SDR42E2: variants seen among roughly 807,000 people sequenced by gnomAD.
SDR42E2 encodes putative short-chain dehydrogenase/reductase family 42E member 2.
In SDR42E2, 20 loss-of-function variants were observed where a neutral mutation model predicts 10.5. The ratio of observed to expected loss-of-function variants is 1.90; its 90% CI spans 1.34 to 2.77. The LOEUF (loss-of-function observed/expected upper bound fraction) is 2.77. SDR42E2 is among the 30% of genes most tolerant of loss of function. The pLI is 0.00. For synonymous variants in SDR42E2, 72 were observed against 39.2 expected, an observed-to-expected ratio of 1.84 and a Z score of -3.12; for missense variants, 162 against 104.2, an observed-to-expected ratio of 1.55 and a Z score of -2.42.
chr16:22,183,072 C>T (rs552983421), intron 10 of SDR42E2, among the ~76,000 whole-genome samples: 22 of 152,206 alleles, frequency 1.4e-4, no homozygotes, highest in African/African-American at 4.1e-4. Flanking sequence ...TTGAGGGGCG[C>T]CATGTGTTCC....
At chr16:22,173,169 C>G (rs1253246574) in intron 7 of SDR42E2, among the ~76,000 whole-genome samples, 1 of 152,082 alleles carries the variant, frequency 6.6e-6, no homozygotes, top group Non-Finnish European at 1.5e-5. Context: ...ACACTACATG[C>G]CAGGCCCTAT....
chr16:22,171,071 G>A (rs1393440013), intron 6 of SDR42E2, 120 bp downstream of exon 6: 1 of 662,376 alleles, frequency 1.5e-6, no homozygotes, highest in African/African-American at 1.8e-5. Flanking sequence ...AGCAGGAAGG[G>A]GCTCCCAAAA....
intron 1 of SDR42E2, among the ~76,000 whole-genome samples, chr16:22,164,193 A>G (rs1001247210): frequency 8.5e-5 from 13 of 152,102 alleles, no homozygotes; most frequent in Non-Finnish European, 1.6e-4. Context: ...CCAAGGCAGG[A>G]GAATTGCTTG....
rs75510364 is a variant in SDR42E2 at position 22,166,508 on chromosome 16, T to C, written c.240+74T>C. ...GGGACAGTGTTTGATGTGAAACCTG[T>C]GGTGTGGAGTTTAGGGGCACACTGT... On this transcript the variant is annotated intron_variant, in intron 3 of 12. Coordinates refer to ENST00000602312, the MANE Select transcript of SDR42E2 (RefSeq NM_001394319.2). The C allele has an allele frequency of 8.0e-3, 3,225 of 402,322 alleles. 24 individuals carry two copies. The highest frequency in any genetic ancestry group is 0.011 in the Non-Finnish European group (2,444 of 227,410). 24.9% of individuals were successfully genotyped at this position (402,322 alleles called of 1,614,324 possible).
chr16:22,179,944 G>T (rs969955156), intron 8 of SDR42E2, among the ~76,000 whole-genome samples: 1 of 152,064 alleles, frequency 6.6e-6, no homozygotes, highest in South Asian at 2.1e-4. Flanking sequence ...GCATCCACTT[G>T]ACAGAGGTGA....
At chr16:22,182,718 T>G (rs2046705898) in intron 10 of SDR42E2, among the ~76,000 whole-genome samples, 1 of 152,146 alleles carries the variant, frequency 6.6e-6, no homozygotes, top group Non-Finnish European at 1.5e-5. Context: ...ACCAACTCTT[T>G]GCCCAGTGAG....
At chr16:22,170,315 T>C (rs570406265) in intron 5 of SDR42E2, among the ~76,000 whole-genome samples, 112 of 151,902 alleles carry the variant, frequency 7.4e-4, no homozygotes, top group Non-Finnish European at 1.4e-3. Context: ...GATCGCGCCA[T>C]TGCACTCCAG....
chr16:22,170,393 T>C (rs2142063721), intron 5 of SDR42E2, among the ~76,000 whole-genome samples: 1 of 152,148 alleles, frequency 6.6e-6, no homozygotes, highest in African/African-American at 2.4e-5. Context: ...AACAGATAAA[T>C]AAAAAGTTAC....
chr16:22,163,352 C>T (rs1309226270), intron 1 of SDR42E2, among the ~76,000 whole-genome samples: 1 of 152,142 alleles, frequency 6.6e-6, no homozygotes, highest in Non-Finnish European at 1.5e-5. Flanking sequence ...GCTGCATCCT[C>T]TCCTCTCCCT....
At chr16:22,168,264 T>G (rs983696158) in intron 4 of SDR42E2, among the ~76,000 whole-genome samples, 4 of 151,772 alleles carry the variant, frequency 2.6e-5, no homozygotes, top group African/African-American at 4.8e-5. Context: ...TTTATTATTT[T>G]TATTTATTTA....
intron 8 of SDR42E2, among the ~76,000 whole-genome samples, chr16:22,178,510 C>T (rs1028171269): frequency 2.6e-5 from 4 of 152,242 alleles, no homozygotes; most frequent in African/African-American, 9.6e-5. Context: ...CCCATGTGGG[C>T]TCCCTGAAGC....
At chr16:22,180,596 G>A (rs998226298) in intron 8 of SDR42E2, among the ~76,000 whole-genome samples, 13 of 152,066 alleles carry the variant, frequency 8.5e-5, no homozygotes, top group Non-Finnish European at 1.6e-4. Flanking sequence ...CCAGCTACTC[G>A]GGAGGCCAAG....
intron 7 of SDR42E2, among the ~76,000 whole-genome samples, chr16:22,173,905 G>GTA (rs770541596): frequency 0.066 from 7,590 of 114,980 alleles, 365 homozygotes; most frequent in South Asian, 0.13. Flanking sequence ...ATGTGTGTGT[G>GTA]TATATATATA....
intron 7 of SDR42E2, 58 bp from the exon 8 acceptor site, chr16:22,178,072 C>T (rs2046660063): frequency 2.9e-6 from 2 of 687,708 alleles, no homozygotes; most frequent in Admixed American, 4.1e-5. Context: ...GCCTCTCTCT[C>T]CCTCTCCCTG....
chr16:22,184,255 G>C lies in SDR42E2; in HGVS notation c.940+11G>C. 2.5e-6 allele frequency: 1 copy of C among 401,322 alleles called. No homozygotes were observed. 24.9% of individuals were successfully genotyped at this position (401,322 alleles called of 1,614,324 possible). On this transcript the variant is annotated intron_variant, in intron 11 of 12. Transcript: ENST00000602312. ...GGGTTTACCTGACAGGTAAGGAAAG[G>C]AGTGTGCGTAGTAAAGCCCTCCATG...
intron 10 of SDR42E2, 114 bp from the exon 11 acceptor site, chr16:22,184,067 G>A: frequency 5.0e-6 from 2 of 397,006 alleles, no homozygotes; most frequent in Non-Finnish European, 8.9e-6. Context: ...CCCTGGGGTG[G>A]GTTGGTGGGG....
chr16:22,179,663 A>C (rs543926721), intron 8 of SDR42E2, among the ~76,000 whole-genome samples: 1 of 152,182 alleles, frequency 6.6e-6, no homozygotes, highest in South Asian at 2.1e-4. Context: ...AATACAAAAA[A>C]TTAGCCAGAC....
intron 6 of SDR42E2, 145 bp from the exon 7 acceptor site, chr16:22,172,111 G>T (rs946762557): frequency 1.6e-6 from 1 of 634,088 alleles, no homozygotes; most frequent in East Asian, 2.7e-5. Flanking sequence ...TCCCACCCAG[G>T]GGGAGAGGAA....
At chr16:22,178,039 G>T in intron 7 of SDR42E2, 91 bp from the exon 8 acceptor site, 1 of 655,836 alleles carries the variant, frequency 1.5e-6, no homozygotes, top group Non-Finnish European at 2.8e-6. Context: ...GCCTGTCCAG[G>T]TAAGCACCAA....
Sources: allele counts gnomAD v4.1 joint callset (sites outside exome capture counted in the v4.1 genomes callset), GRCh38; gene constraint gnomAD v4.1.1; transcripts MANE v1.5; gene names NCBI Gene and HGNC (gene_info 2026-07-23, HGNC 2026-07-21).